SPSB4: variants seen among roughly 807,000 people sequenced by gnomAD.
The protein encoded by SPSB4 is SPRY domain-containing SOCS box protein 4.
SPSB4 carries 21 observed loss-of-function variants against 20.9 expected under a neutral mutation model. The observed-to-expected ratio is 1.01, with a 90% CI of 0.71 to 1.45. The LOEUF is 1.45. Ranked by LOEUF, SPSB4 falls within the 40% of genes most tolerant of loss-of-function variation. SPSB4 has a pLI of 0.00. For missense variants in SPSB4, 399 were observed against 399.2 expected (o/e 1.00, Z 0.00); for synonymous variants, 207 against 183.8 (o/e 1.13, Z -1.02).
chr3:141,138,348 G>A (rs1939263922), intron 2 of SPSB4, among the ~76,000 whole-genome samples: 1 of 152,124 alleles, frequency 6.6e-6, no homozygotes, highest in Non-Finnish European at 1.5e-5. Context: ...GTTCTGCTCT[G>A]ATCTTAGTTA....
At chr3:141,055,744 C>T (rs1383475833) in intron 1 of SPSB4, among the ~76,000 whole-genome samples, 1 of 152,178 alleles carries the variant, frequency 6.6e-6, no homozygotes, top group African/African-American at 2.4e-5. Flanking sequence ...AGGCCAGGCT[C>T]AGCCTAGGAC....
chr3:141,122,593 C>T (rs1029517032), intron 2 of SPSB4, among the ~76,000 whole-genome samples: 4 of 152,200 alleles, frequency 2.6e-5, no homozygotes, highest in African/African-American at 9.6e-5. Flanking sequence ...TTTGAGCTTC[C>T]CAGCCTCTTT....
intron 2 of SPSB4, among the ~76,000 whole-genome samples, chr3:141,118,501 G>A (rs144462296): frequency 1.5e-3 from 227 of 152,084 alleles, no homozygotes; most frequent in Admixed American, 3.0e-3. Flanking sequence ...TTAATTAGAC[G>A]CCATTTGTCT....
intron 2 of SPSB4, among the ~76,000 whole-genome samples, chr3:141,071,652 C>T (rs1386616479): frequency 2.0e-5 from 3 of 152,176 alleles, no homozygotes; most frequent in Non-Finnish European, 4.4e-5. Flanking sequence ...CCTGGGCCAA[C>T]CTGCCCAAGC....
In SPSB4 at chr3:141,108,851, G is replaced by A. The variant is rs148970730; in HGVS notation, c.695-38291G>A. Among the ~76,000 whole-genome samples, 1,478 of 152,342 alleles carry A rather than the reference G, an allele frequency of 9.7e-3. 29 individuals carry two copies. The highest frequency in any genetic ancestry group is 0.034 in the African/African-American group (1,419 of 41,562). ...TTTCCCTAGATGGAGAAGACCGAAAGCAGCATTTCAGGGGAGGGCACAGCA... is the reference window on the plus strand; with the variant it reads ...TTTCCCTAGATGGAGAAGACCGAAAACAGCATTTCAGGGGAGGGCACAGCA... On this transcript the variant is annotated intron_variant, in intron 2 of 2. Coordinates refer to ENST00000310546, the MANE Select transcript of SPSB4 (RefSeq NM_080862.3).
At chr3:141,060,878 A>G (rs1937748256) in intron 1 of SPSB4, among the ~76,000 whole-genome samples, 1 of 152,222 alleles carries the variant, frequency 6.6e-6, no homozygotes, top group Non-Finnish European at 1.5e-5. Context: ...TACATTGAGT[A>G]TCTTTTCAAA....
chr3:141,077,910 G>A lies in SPSB4; in HGVS notation c.694+11112G>A, dbSNP rs182958491. 3.2e-4 allele frequency among the ~76,000 whole-genome samples: 48 copies of A among 152,314 alleles called. No homozygotes were observed. In the East Asian group the frequency reaches 6.6e-3, roughly 21 times the overall value. Reference sequence around the variant, plus strand: ...GCAGGTGGTCCAGGAATGAGAAACCGCTCAGGCACCCCATCACTGCATCAA... The same window carrying A: ...GCAGGTGGTCCAGGAATGAGAAACCACTCAGGCACCCCATCACTGCATCAA... On this transcript the variant is annotated intron_variant, in intron 2 of 2. Coordinates refer to ENST00000310546, the MANE Select transcript of SPSB4 (RefSeq NM_080862.3).
chr3:141,087,391 CA>C (rs1468288209), intron 2 of SPSB4, among the ~76,000 whole-genome samples: 1 of 152,102 alleles, frequency 6.6e-6, no homozygotes, highest in Non-Finnish European at 1.5e-5. Flanking sequence ...TAGGAAGCAC[CA>C]GGGGGCCTTG....
At chr3:141,088,258 TA>T (rs1938388460) in intron 2 of SPSB4, among the ~76,000 whole-genome samples, 1 of 152,196 alleles carries the variant, frequency 6.6e-6, no homozygotes, top group Non-Finnish European at 1.5e-5. Context: ...GGCGCACAGT[TA>T]AATGTACTGC....
chr3:141,125,318 C>T (rs1019326396), intron 2 of SPSB4, among the ~76,000 whole-genome samples: 1 of 152,198 alleles, frequency 6.6e-6, no homozygotes, highest in Admixed American at 6.5e-5. Flanking sequence ...AGCTCCTTCT[C>T]TCCGTTTCAC....
At chr3:141,098,896 G>A (rs1349023162) in intron 2 of SPSB4, among the ~76,000 whole-genome samples, 2 of 152,300 alleles carry the variant, frequency 1.3e-5, no homozygotes, top group Non-Finnish European at 2.9e-5. Context: ...TGGAGGTTGG[G>A]AAGTCCAAGA....
chr3:141,104,216 T>C (rs1169966483), intron 2 of SPSB4, among the ~76,000 whole-genome samples: 1 of 151,980 alleles, frequency 6.6e-6, no homozygotes, highest in Admixed American at 6.6e-5. Flanking sequence ...TGTGCAGCAT[T>C]GAAATGGGGC....
Position 141,066,035 on chromosome 3 carries a change from C to A in SPSB4, c.-70C>A. 1 of 1,356,896 alleles carries A rather than the reference C, an allele frequency of 7.4e-7. No homozygotes were observed. The highest frequency in any genetic ancestry group is 9.6e-7 in the Non-Finnish European group (1 of 1,040,122). The allele number at this position is 1,356,896 out of a possible 1,614,324, so 84.1% of individuals were successfully genotyped here. A position where few individuals can be genotyped will look rare whatever the true frequency, so the allele number is the denominator to read the frequency against. ...TGGTTCCCAGCCCCGTGGCCCATTCCTGGCTACGGGGAGTGGAGGCTCCCA... is the reference window on the plus strand; with the variant it reads ...TGGTTCCCAGCCCCGTGGCCCATTCATGGCTACGGGGAGTGGAGGCTCCCA... On this transcript the variant is annotated 5_prime_UTR_variant, in exon 2 of 3. In the 5' UTR this introduces an upstream ATG that the reference lacks. Transcript: ENST00000310546.
At chr3:141,081,681 A>G (rs1048457770) in intron 2 of SPSB4, among the ~76,000 whole-genome samples, 1 of 152,188 alleles carries the variant, frequency 6.6e-6, no homozygotes, top group East Asian at 1.9e-4. Context: ...ACACAGTGGC[A>G]GTTCTGCAGC....
intron 2 of SPSB4, among the ~76,000 whole-genome samples, chr3:141,067,010 C>T (rs1325092522): frequency 6.6e-6 from 1 of 152,198 alleles, no homozygotes; most frequent in Non-Finnish European, 1.5e-5. Context: ...TGATAGTAAT[C>T]TAGCTCACAG....
intron 2 of SPSB4, among the ~76,000 whole-genome samples, chr3:141,087,748 A>G (rs904701719): frequency 3.3e-5 from 5 of 152,180 alleles, no homozygotes; most frequent in Non-Finnish European, 5.9e-5. Context: ...CGTGCCCACC[A>G]AGGCAAATGC....
Position 141,051,956 on chromosome 3 carries a change from G to A in SPSB4, c.-190G>A, listed in dbSNP as rs1356978737. 1 of 152,274 alleles carries A rather than the reference G, an allele frequency of 6.6e-6. No individual in the cohort carries two copies. Among genetic ancestry groups the A allele is most frequent in the Non-Finnish European group, 1.5e-5 (1 of 68,110 alleles). 9.4% of individuals were successfully genotyped at this position (152,274 alleles called of 1,614,324 possible). A position where few individuals can be genotyped will look rare whatever the true frequency, so the allele number is the denominator to read the frequency against. On this transcript the variant is annotated 5_prime_UTR_variant, in exon 1 of 3. Coordinates refer to ENST00000310546, the MANE Select transcript of SPSB4 (RefSeq NM_080862.3). ...GAGTCCAGGACCTGCCAGCGCTGGG[G>A]ATTCTTCCCGAACAGGCGCTTGCCC...
chr3:141,147,023 C>G, intron 2 of SPSB4, 119 bp from the exon 3 acceptor site: 2 of 1,370,008 alleles, frequency 1.5e-6, no homozygotes, highest in South Asian at 1.3e-5. Flanking sequence ...CAAGGAGAAG[C>G]CATTGACCCT....
At chr3:141,135,547 G>T (rs1432442342) in intron 2 of SPSB4, among the ~76,000 whole-genome samples, 1 of 147,312 alleles carries the variant, frequency 6.8e-6, no homozygotes, top group Non-Finnish European at 1.5e-5. Flanking sequence ...CTGTGTCCAT[G>T]TGTTCTCATT....
Sources: gnomAD v4.1 joint callset for allele counts (sites outside exome capture counted in the v4.1 genomes callset) on GRCh38, gnomAD v4.1.1 for gene constraint, MANE v1.5 for transcripts, NCBI Gene and HGNC (gene_info 2026-07-23, HGNC 2026-07-21) for gene names.